Variants in DTNBP1 observed in about 807,000 individuals in gnomAD.
DTNBP1 encodes the protein dysbindin.
In DTNBP1, 35 loss-of-function variants were observed where a neutral mutation model predicts 42.8. The observed-to-expected ratio is 0.82, with a 90% CI of 0.63 to 1.09. The LOEUF (loss-of-function observed/expected upper bound fraction) is 1.09. Among genes scored for constraint, DTNBP1 ranks in the 50% least tolerant of loss-of-function variants. The pLI is 0.00. For synonymous variants in DTNBP1, 171 were observed against 162.2 expected (o/e 1.05, Z -0.41); for missense variants, 457 against 424.2 (o/e 1.08, Z -0.68).
chr6:15,585,781 G>A, intron 7 of DTNBP1: 1 of 1,532,390 alleles, frequency 6.5e-7, no homozygotes, highest in Non-Finnish European at 8.7e-7. Context: ...ACCTGAAGGA[G>A]TGAACAGAAG....
chr6:15,565,212 C>T (rs1775014951), intron 7 of DTNBP1, among the ~76,000 whole-genome samples: 1 of 152,110 alleles, frequency 6.6e-6, no homozygotes, highest in Non-Finnish European at 1.5e-5. Context: ...GAAACTGAAA[C>T]CCTAATACAT....
At chr6:15,627,572 C>T (rs1759424663) in intron 4 of DTNBP1, 97 bp from the exon 5 acceptor site, 1 of 1,523,676 alleles carries the variant, frequency 6.6e-7, no homozygotes, top group Non-Finnish European at 8.9e-7. Context: ...TTTAACAACC[C>T]CTCTACTCAG....
chr6:15,568,049 A>G (rs984739593), intron 7 of DTNBP1, among the ~76,000 whole-genome samples: 1 of 152,206 alleles, frequency 6.6e-6, no homozygotes, highest in Admixed American at 6.5e-5. Flanking sequence ...TTGAGAAAAC[A>G]GCAGAATCAG....
chr6:15,626,685 G>A (rs1303524834), intron 5 of DTNBP1, among the ~76,000 whole-genome samples: 2 of 152,098 alleles, frequency 1.3e-5, no homozygotes, highest in African/African-American at 2.4e-5. Flanking sequence ...CCATCCAAAT[G>A]AACAACGACA....
chr6:15,548,606 T>C (rs1774029556), intron 7 of DTNBP1, among the ~76,000 whole-genome samples: 1 of 152,180 alleles, frequency 6.6e-6, no homozygotes, highest in South Asian at 2.1e-4. Flanking sequence ...TTTCAGTATA[T>C]AAATGATGTT....
rs12525702 is a variant in DTNBP1 at position 15,627,540 on chromosome 6, C to T, written c.223-65G>A. 0.11 allele frequency: 169,985 copies of T among 1,602,088 alleles called. 9,927 individuals are homozygous for T. Among genetic ancestry groups the T allele is most frequent in the Middle Eastern group, 0.2 (1,178 of 5,954 alleles). On this transcript the variant is annotated intron_variant, in intron 4 of 9. Coordinates refer to ENST00000344537, the MANE Select transcript of DTNBP1 (RefSeq NM_032122.5). ...TTAGGCACAAAGAAAGTACAGTTAA[C>T]GTAATGAGATTTAATGTTATCTTTA...
chr6:15,627,280 C>T, intron 5 of DTNBP1, 63 bp downstream of exon 5: 2 of 1,599,536 alleles, frequency 1.3e-6, no homozygotes, highest in Non-Finnish European at 1.7e-6. Context: ...TGAAATTACA[C>T]CAAACCCTGC....
chr6:15,603,604 G>A (rs1776813643), intron 6 of DTNBP1, among the ~76,000 whole-genome samples: 1 of 152,092 alleles, frequency 6.6e-6, no homozygotes, highest in Non-Finnish European at 1.5e-5. Context: ...TTGGTGCTAG[G>A]TATTTTTATA....
In DTNBP1 at chr6:15,524,559, C is replaced by A. The variant is rs758380737; in HGVS notation, c.778G>T (p.Gly260Ter). Residue 260 changes from glycine (G) to a stop codon, truncating the protein, a stop_gained, in exon 9 of 10, where the codon GGA becomes TGA. Transcript: ENST00000344537. LOFTEE classifies it low-confidence loss of function (END_TRUNC). ...GGGGACAGCACAGTGTTCTCTTCTC[C>A]TCCAGAGTTCAGGAAGACGTCCAGG... ...EALDVFLNSG[G>*]EENTVLSPAL... The A allele has an allele frequency of 2.5e-6, 4 of 1,610,478 alleles. No individual in the cohort carries two copies. In the African/African-American group the frequency reaches 5.3e-5, roughly 22 times the overall value.
intron 7 of DTNBP1, among the ~76,000 whole-genome samples, chr6:15,556,408 C>T (rs1172248267): frequency 1.3e-5 from 2 of 152,094 alleles, no homozygotes; most frequent in Non-Finnish European, 2.9e-5. Context: ...TATTGAACTC[C>T]TGACCTCGTG....
chr6:15,583,930 C>G (rs1775943943), intron 7 of DTNBP1, among the ~76,000 whole-genome samples: 1 of 152,104 alleles, frequency 6.6e-6, no homozygotes, highest in Non-Finnish European at 1.5e-5. Context: ...GCCAATTCCC[C>G]TTCAATATAG....
intron 7 of DTNBP1, among the ~76,000 whole-genome samples, chr6:15,556,490 T>C (rs2113449859): frequency 6.6e-6 from 1 of 152,308 alleles, no homozygotes; most frequent in Middle Eastern, 3.4e-3. Flanking sequence ...TAAAAGTCTT[T>C]GGATTAACTT....
chr6:15,656,733 G>C (rs1382432720), intron 1 of DTNBP1, among the ~76,000 whole-genome samples: 1 of 152,086 alleles, frequency 6.6e-6, no homozygotes, highest in African/African-American at 2.4e-5. Flanking sequence ...GGGTGACAGA[G>C]TGAGACCCTG....
intron 6 of DTNBP1, among the ~76,000 whole-genome samples, chr6:15,605,493 T>A (rs1757994178): frequency 6.6e-6 from 1 of 152,214 alleles, no homozygotes; most frequent in Non-Finnish European, 1.5e-5. Context: ...AGTCCTCCCC[T>A]GCCTTACCAC....
rs202198942 is a variant in DTNBP1 at position 15,524,674 on chromosome 6, G to A, written c.668-5C>T. The A allele has an allele frequency of 1.1e-4, 181 of 1,612,174 alleles. No individual in the cohort carries two copies. Among genetic ancestry groups the A allele is most frequent in the African/African-American group, 7.3e-4 (55 of 74,972 alleles). On this transcript the variant is annotated splice_polypyrimidine_tract_variant and splice_region_variant and intron_variant, in intron 8 of 9. Transcript: ENST00000344537. ...ATGACATGCTGCCTATGGGCTCTGC[G>A]GATAGATCAACACGAGAAAGGACAC... is the stretch of plus-strand genomic sequence containing the variant.
intron 7 of DTNBP1, among the ~76,000 whole-genome samples, chr6:15,559,896 G>A (rs2113468297): frequency 6.6e-6 from 1 of 152,326 alleles, no homozygotes; most frequent in Non-Finnish European, 1.5e-5. Context: ...CCAGGAGGAT[G>A]CAGAAAATGT....
At chr6:15,641,015 T>C (rs1443850595) in intron 3 of DTNBP1, among the ~76,000 whole-genome samples, 1 of 152,222 alleles carries the variant, frequency 6.6e-6, no homozygotes, top group Non-Finnish European at 1.5e-5. Context: ...TTGCTGCTTC[T>C]AATCAGGGAG....
intron 7 of DTNBP1, among the ~76,000 whole-genome samples, chr6:15,549,604 T>C (rs1297625917): frequency 6.7e-6 from 1 of 150,318 alleles, no homozygotes; most frequent in African/African-American, 2.4e-5. Context: ...GCCCTTTCCG[T>C]CAGCCCTCCT....
At chr6:15,535,849 T>C (rs1773198050) in intron 7 of DTNBP1, among the ~76,000 whole-genome samples, 1 of 152,180 alleles carries the variant, frequency 6.6e-6, no homozygotes, top group African/African-American at 2.4e-5. Context: ...GATAGTGATG[T>C]GAACAATGAA....
Sources: gnomAD v4.1 joint callset for allele counts (sites outside exome capture counted in the v4.1 genomes callset) on GRCh38, gnomAD v4.1.1 for gene constraint, MANE v1.5 for transcripts, NCBI Gene and HGNC (gene_info 2026-07-23, HGNC 2026-07-21) for gene names.